PIK3C2A: variants seen among roughly 807,000 people sequenced by gnomAD.
The protein encoded by PIK3C2A is phosphatidylinositol-4-phosphate 3-kinase catalytic subunit type 2 alpha.
In PIK3C2A, 97 loss-of-function variants were observed where a neutral mutation model predicts 204.5. That is an observed-to-expected ratio of 0.47 (90% CI 0.40 to 0.56). The LOEUF is 0.56. Among genes scored for constraint, PIK3C2A ranks in the 20% least tolerant of loss-of-function variants. The pLI, the probability that PIK3C2A is intolerant of heterozygous loss-of-function variation, is 0.00. For synonymous variants in PIK3C2A, 653 were observed against 664.4 expected, an observed-to-expected ratio of 0.98 and a Z score of 0.26; for missense variants, 1,735 against 1,969.2, an observed-to-expected ratio of 0.88 and a Z score of 2.25.
chr11:17,136,380 G>C (rs561788006), intron 9 of PIK3C2A, 102 bp downstream of exon 9: 1 of 908,026 alleles, frequency 1.1e-6, no homozygotes, highest in South Asian at 1.5e-5. Flanking sequence ...AAAAGTAAAA[G>C]CCAAAGTTAA....
Position 17,168,816 on chromosome 11 carries a change from A to C in PIK3C2A, c.926T>G (p.Leu309Arg). The C allele has an allele frequency of 1.2e-6, 2 of 1,614,100 alleles. No homozygotes were observed. The highest frequency in any genetic ancestry group is 2.7e-5 in the African/African-American group (2 of 75,038). ...LAKDPWDAVL[L>R]EERSTANCHL... ...ACAATTTGCTGTCGATCTCTCTTCA[A>C]GAAGAACAGCATCCCAAGGATCCTT... The change falls in exon 2 of 33, where the codon CTT becomes CGT. Residue 309 changes from leucine to arginine, a missense_variant. Physicochemically the swap from Leu to Arg is moderately radical, Grantham distance 102. Coordinates refer to ENST00000691414, the MANE Select transcript of PIK3C2A (RefSeq NM_002645.4).
At chr11:17,144,894 CAAAAAAAAAAAAAAAA>C (rs35069519) in intron 8 of PIK3C2A, among the ~76,000 whole-genome samples, 1 of 78,088 alleles carries the variant, frequency 1.3e-5, no homozygotes, top group African/African-American at 4.8e-5. Context: ...GACTCAGCCT[CAAAAAAAAAAAAAAAA>C]AAAAAAAAAA....
chr11:17,090,638 T>C (rs879783025), intron 32 of PIK3C2A, among the ~76,000 whole-genome samples: 6 of 152,222 alleles, frequency 3.9e-5, no homozygotes, highest in Non-Finnish European at 7.4e-5. Flanking sequence ...GCTCCTAAGG[T>C]CTATGAGGGC....
At chr11:17,177,256 A>G (rs545638228) in intron 1 of PIK3C2A, among the ~76,000 whole-genome samples, 4 of 152,184 alleles carry the variant, frequency 2.6e-5, no homozygotes, top group Non-Finnish European at 5.9e-5. Flanking sequence ...CTATTTAGTT[A>G]TAACATGTAC....
chr11:17,190,012 C>T (rs1485608183), intron 1 of PIK3C2A, among the ~76,000 whole-genome samples: 1 of 152,050 alleles, frequency 6.6e-6, no homozygotes, highest in Non-Finnish European at 1.5e-5. Context: ...GGCCTGTAAT[C>T]CCAGCACTTT....
chr11:17,112,053 GGT>G (rs2137316062), intron 21 of PIK3C2A, among the ~76,000 whole-genome samples: 1 of 152,130 alleles, frequency 6.6e-6, no homozygotes, highest in Non-Finnish European at 1.5e-5. Context: ...TATCAAAAGT[GGT>G]TCAAGTAGAA....
At chr11:17,127,241 C>G (rs55792485) in intron 13 of PIK3C2A, among the ~76,000 whole-genome samples, 1 of 152,010 alleles carries the variant, frequency 6.6e-6, no homozygotes, top group Admixed American at 6.6e-5. Flanking sequence ...AACAAAAAAT[C>G]TTATACTGCC....
chr11:17,117,424 TAGTC>T (rs1849229548), intron 19 of PIK3C2A, 63 bp downstream of exon 19: 6 of 1,042,562 alleles, frequency 5.8e-6, no homozygotes, highest in Admixed American at 2.1e-5. Flanking sequence ...GCAACTTAAT[TAGTC>T]AGCACCATAA....
chr11:17,163,985 A>G (rs943552576), intron 2 of PIK3C2A, among the ~76,000 whole-genome samples: 3 of 152,010 alleles, frequency 2.0e-5, no homozygotes, highest in African/African-American at 7.2e-5. Flanking sequence ...GAAAGGATCT[A>G]GTCTAGCCAA....
intron 30 of PIK3C2A, 71 bp downstream of exon 30, chr11:17,091,925 A>C (rs945796506): frequency 2.1e-6 from 2 of 954,362 alleles, no homozygotes; most frequent in African/African-American, 3.2e-5. Context: ...CTGTCATTCT[A>C]CCACATTCAT....
intron 8 of PIK3C2A, among the ~76,000 whole-genome samples, chr11:17,143,660 C>T (rs984767134): frequency 4.6e-5 from 7 of 151,748 alleles, no homozygotes; most frequent in Non-Finnish European, 1.0e-4. Flanking sequence ...GGTATGGGGC[C>T]AGGCGCAGTG....
At chr11:17,193,878 A>G (rs1293091108) in intron 1 of PIK3C2A, 5 of 134,256 alleles carry the variant, frequency 3.7e-5, no homozygotes, top group African/African-American at 1.6e-4. Flanking sequence ...AAAAGAAAAG[A>G]AAAGAAAAGA....
At chr11:17,178,179 T>C (rs7945756) in intron 1 of PIK3C2A, among the ~76,000 whole-genome samples, 8,595 of 149,498 alleles carry the variant, frequency 0.057, 831 homozygotes, top group East Asian at 0.42. Flanking sequence ...AAAAAAGACA[T>C]ATTTAATCTA....
chr11:17,177,845 C>T (rs1356402297), intron 1 of PIK3C2A, among the ~76,000 whole-genome samples: 1 of 152,120 alleles, frequency 6.6e-6, no homozygotes, highest in Non-Finnish European at 1.5e-5. Context: ...GTAATCCCAG[C>T]ACTTTGGGAG....
intron 1 of PIK3C2A, among the ~76,000 whole-genome samples, chr11:17,197,083 G>A (rs1244849471): frequency 6.6e-6 from 1 of 151,848 alleles, no homozygotes; most frequent in African/African-American, 2.4e-5. Context: ...AGGATCACAA[G>A]GTCAGGAGGC....
chr11:17,121,055 A>C (rs1849351591), intron 15 of PIK3C2A, among the ~76,000 whole-genome samples: 2 of 152,330 alleles, frequency 1.3e-5, no homozygotes, highest in South Asian at 4.1e-4. Flanking sequence ...GTTCTCTACC[A>C]GATAAATGTA....
chr11:17,147,751 A>T (rs1040849028), intron 5 of PIK3C2A, 123 bp from the exon 6 acceptor site: 1 of 601,578 alleles, frequency 1.7e-6, no homozygotes, highest in African/African-American at 1.9e-5. Flanking sequence ...ACAGTTTTAA[A>T]ATCAAGTCTG....
chr11:17,179,225 G>A (rs374712308), intron 1 of PIK3C2A, among the ~76,000 whole-genome samples: 2 of 152,092 alleles, frequency 1.3e-5, no homozygotes, highest in Admixed American at 6.5e-5. Context: ...GCAGCGGCTC[G>A]ATCATAGCTC....
rs1263892210 is a variant in PIK3C2A, at chr11:17,134,968, A to G, written c.1959T>C (p.Tyr653=). ...AATTTGCATGGAGTCTGAGAAGATC[A>G]TAAATTGCTGCAGTTAATTGGTTTA... ...VSINQLTAAI[Y]DLLRLHANSG... The change falls in exon 11 of 33, where the codon TAT becomes TAC. Residue 653 remains tyrosine (Y), a synonymous_variant. Transcript: ENST00000691414. 2.5e-6 allele frequency: 4 copies of G among 1,614,202 alleles called. No individual in the cohort carries two copies. The South Asian group carries it at 4.4e-5, about 18-fold the overall frequency.
Sources: allele counts gnomAD v4.1 joint callset (sites outside exome capture counted in the v4.1 genomes callset), GRCh38; gene constraint gnomAD v4.1.1; transcripts MANE v1.5; gene names NCBI Gene and HGNC (gene_info 2026-07-23, HGNC 2026-07-21).